Variants in ZNF526 observed in about 807,000 individuals in gnomAD.
ZNF526 encodes the protein zinc finger protein 526.
Under a neutral mutation model 32.4 loss-of-function variants are expected in ZNF526, and 16 were observed. The ratio of observed to expected loss-of-function variants is 0.49; its 90% confidence interval spans 0.33 to 0.75. The LOEUF is 0.75. Ranked by LOEUF, ZNF526 falls within the 30% of genes least tolerant of loss-of-function variation. ZNF526 has a pLI of 0.02. For missense variants in ZNF526, 838 were observed against 920.7 expected (o/e 0.91, Z 1.16); for synonymous variants, 355 against 363.4 (o/e 0.98, Z 0.26).
chr19:42,225,057 C>T lies in ZNF526; in HGVS notation c.654C>T (p.Thr218=). ...TPEEFLEHQG[T]HFDSLEKEER... is the part of the protein sequence containing the mutation. ...AGGAGTTCTTGGAGCATCAGGGCAC[C>T]CACTTTGACTCCCTAGAGAAAGAGG... The change falls in exon 3 of 3, where the codon ACC becomes ACT. Residue 218 remains threonine (T), a synonymous_variant. Coordinates refer to ENST00000301215, the MANE Select transcript of ZNF526 (RefSeq NM_133444.3). 2.5e-6 allele frequency: 4 copies of T among 1,614,138 alleles called. No homozygotes were observed. Among genetic ancestry groups the T allele is most frequent in the Non-Finnish European group, 3.4e-6 (4 of 1,180,026 alleles).
At chr19:42,223,733 C>T (rs896284810) in intron 1 of ZNF526, among the ~76,000 whole-genome samples, 1 of 145,850 alleles carries the variant, frequency 6.9e-6, no homozygotes, top group Non-Finnish European at 1.5e-5. Context: ...AGGAGAATCA[C>T]TTGAACCTAG....
In ZNF526 at chr19:42,224,291, C is replaced by A. The variant is rs1232244327; in HGVS notation, c.-32C>A. 1.1e-6 allele frequency: 1 copy of A among 900,698 alleles called. No individual in the cohort carries two copies. Among genetic ancestry groups the A allele is most frequent in the Non-Finnish European group, 1.8e-6 (1 of 556,680 alleles). The allele number at this position is 900,698 out of a possible 1,614,324, so 55.8% of individuals were successfully genotyped here. A position where few individuals can be genotyped will look rare whatever the true frequency, so the allele number is the denominator to read the frequency against. On this transcript the variant is annotated 5_prime_UTR_variant, in exon 2 of 3. Coordinates refer to ENST00000301215, the MANE Select transcript of ZNF526 (RefSeq NM_133444.3). ...AAGCAGAAACAGTGGATTAAGACTTCCTGAGCGATAGCTGGTGAGTAGTGG... is the reference window on the plus strand; with the variant it reads ...AAGCAGAAACAGTGGATTAAGACTTACTGAGCGATAGCTGGTGAGTAGTGG...
At position 42,226,830 on chromosome 19, in the gene ZNF526, G is replaced by C. The variant is rs995212124; in HGVS notation, c.*414G>C. 1 of 311,962 alleles carries C rather than the reference G, an allele frequency of 3.2e-6. No individual in the cohort carries two copies. Among genetic ancestry groups the C allele is most frequent in the Non-Finnish European group, 6.5e-6 (1 of 152,740 alleles). 19.3% of individuals were successfully genotyped at this position (311,962 alleles called of 1,614,324 possible). ...CCAGCCCTTGCCTTCCCTGGATTTTGGGCACCCAGGACTTTGCTCTGCCTG... is the reference window on the plus strand; with the variant it reads ...CCAGCCCTTGCCTTCCCTGGATTTTCGGCACCCAGGACTTTGCTCTGCCTG... On this transcript the variant is annotated 3_prime_UTR_variant, in exon 3 of 3. Coordinates refer to ENST00000301215, the MANE Select transcript of ZNF526 (RefSeq NM_133444.3).
Position 42,224,306 on chromosome 19 carries a change from G to A in ZNF526, c.-18+1G>A. On this transcript the variant is annotated splice_donor_variant, in intron 2 of 2. Coordinates refer to ENST00000301215, the MANE Select transcript of ZNF526 (RefSeq NM_133444.3). LOFTEE classifies it low-confidence loss of function (5UTR_SPLICE). ...ATTAAGACTTCCTGAGCGATAGCTG[G>A]TGAGTAGTGGGATGTGCAAGAGAAT... 9 of 996,572 alleles carry A rather than the reference G, an allele frequency of 9.0e-6. No individual in the cohort carries two copies. The highest frequency in any genetic ancestry group is 1.4e-5 in the Non-Finnish European group (9 of 632,046). The allele number at this position is 996,572 out of a possible 1,614,324, so 61.7% of individuals were successfully genotyped here. A position where few individuals can be genotyped will look rare whatever the true frequency, so the allele number is the denominator to read the frequency against.
At chr19:42,222,110 C>T (rs192958234) in intron 1 of ZNF526, among the ~76,000 whole-genome samples, 2 of 148,978 alleles carry the variant, frequency 1.3e-5, no homozygotes, top group African/African-American at 4.9e-5. Context: ...CTCCTTGAGA[C>T]AGAGTCTCAC....
rs1464797591 is a variant in ZNF526, at chr19:42,224,762, C to G, written c.359C>G (p.Pro120Arg). Reference protein sequence around the residue: ...CGECSQLILSPGELLAHQDAH... With the variant: ...CGECSQLILSRGELLAHQDAH... ...GAATGCAGCCAGCTCATCCTCTCCC[C>G]TGGGGAGCTCCTGGCCCACCAGGAT... Residue 120 changes from proline to arginine, a missense_variant, in exon 3 of 3, where the codon CCT becomes CGT. By Grantham distance (103) the Pro-to-Arg change is moderately radical. Transcript: ENST00000301215. 2 of 1,614,122 alleles carry G rather than the reference C, an allele frequency of 1.2e-6. No homozygotes were observed. Among genetic ancestry groups the G allele is most frequent in the Non-Finnish European group, 1.7e-6 (2 of 1,180,040 alleles).
Position 42,225,266 on chromosome 19 carries a change from G to T in ZNF526, c.863G>T (p.Arg288Leu). The T allele has an allele frequency of 6.2e-7, 1 of 1,613,464 alleles. No individual in the cohort carries two copies. Among genetic ancestry groups the T allele is most frequent in the Non-Finnish European group, 8.5e-7 (1 of 1,179,600 alleles). ...CPQHQPSAGA[R>L]RQHRRTAHSP... is the part of the protein sequence containing the mutation. The stretch of plus-strand genomic sequence containing the variant: ...CAGCACCAGCCCTCAGCAGGGGCTC[G>T]CCGGCAACACCGGCGGACGGCTCAC... The change falls in exon 3 of 3, where the codon CGC becomes CTC. Residue 288 changes from arginine (R) to leucine (L), a missense_variant. Transcript: ENST00000301215.
At chr19:42,223,416 C>T (rs540192272) in intron 1 of ZNF526, among the ~76,000 whole-genome samples, 1 of 152,244 alleles carries the variant, frequency 6.6e-6, no homozygotes, top group South Asian at 2.1e-4. Flanking sequence ...CCCAGGCGGG[C>T]AGATCACGAG....
At position 42,224,809 on chromosome 19, in the gene ZNF526, A is replaced by G. The variant is rs972102883; in HGVS notation, c.406A>G (p.Asn136Asp). 1.2e-6 allele frequency: 2 copies of G among 1,613,876 alleles called. No homozygotes were observed. The highest frequency in any genetic ancestry group is 1.7e-5 in the Admixed American group (1 of 60,014). Residue 136 changes from asparagine (N) to aspartate (D), a missense_variant, in exon 3 of 3, where the codon AAC (asparagine) becomes GAC (aspartate). Coordinates refer to ENST00000301215, the MANE Select transcript of ZNF526 (RefSeq NM_133444.3). ...HQDAHLRESANQIQYQCWDCQ... is the reference protein window; with the variant it reads ...HQDAHLRESADQIQYQCWDCQ... ...GGATGCCCACCTCCGAGAGTCTGCA[A>G]ACCAGATCCAATACCAGTGCTGGGA...
Position 42,225,734 on chromosome 19 carries a change from G to C in ZNF526, c.1331G>C (p.Cys444Ser). The C allele has an allele frequency of 6.3e-7, 1 of 1,585,080 alleles. No homozygotes were observed. Residue 444 changes from cysteine to serine, a missense_variant, in exon 3 of 3, where the codon TGC (cysteine) becomes TCC (serine). Coordinates refer to ENST00000301215, the MANE Select transcript of ZNF526 (RefSeq NM_133444.3). ...PPPAPPAQLPCPQCSKSFASA... is the reference protein window; with the variant it reads ...PPPAPPAQLPSPQCSKSFASA... ...CCTGCCCCACCTGCCCAGCTGCCCT[G>C]CCCACAGTGCTCCAAGTCCTTTGCC...
rs2036163156 is a variant in ZNF526 at position 42,225,225 on chromosome 19, C to A, written c.822C>A (p.Gly274=). Residue 274 remains glycine, a synonymous_variant, in exon 3 of 3, where the codon GGC becomes GGA. Coordinates refer to ENST00000301215, the MANE Select transcript of ZNF526 (RefSeq NM_133444.3). ...AGTCCACAGCTGGCTGGGCTCAGGG[C>A]TGCGGGGACTGTCCCCAGCACCAGC... ...GDESTAGWAQ[G]CGDCPQHQPS... 1.9e-6 allele frequency: 3 copies of A among 1,614,120 alleles called. No individual in the cohort carries two copies. The highest frequency in any genetic ancestry group is 2.5e-6 in the Non-Finnish European group (3 of 1,179,974).
At chr19:42,221,690 A>G (rs1271118420) in intron 1 of ZNF526, among the ~76,000 whole-genome samples, 3 of 151,800 alleles carry the variant, frequency 2.0e-5, no homozygotes, top group African/African-American at 2.4e-5. Flanking sequence ...GATGGCAGAT[A>G]CCTGTGGTCC....
Position 42,224,315 on chromosome 19 carries a change from G to A in ZNF526, c.-18+10G>A. 1 of 1,083,548 alleles carries A rather than the reference G, an allele frequency of 9.2e-7. No homozygotes were observed. The highest frequency in any genetic ancestry group is 1.4e-6 in the Non-Finnish European group (1 of 706,464). 67.1% of individuals were successfully genotyped at this position (1,083,548 alleles called of 1,614,324 possible). A position where few individuals can be genotyped will look rare whatever the true frequency, so the allele number is the denominator to read the frequency against. Reference sequence around the variant, plus strand: ...TCCTGAGCGATAGCTGGTGAGTAGTGGGATGTGCAAGAGAATTCCACCTCC... The same window carrying A: ...TCCTGAGCGATAGCTGGTGAGTAGTAGGATGTGCAAGAGAATTCCACCTCC... On this transcript the variant is annotated intron_variant, in intron 2 of 2. Coordinates refer to ENST00000301215, the MANE Select transcript of ZNF526 (RefSeq NM_133444.3).
In ZNF526 at chr19:42,227,665, A is replaced by T. The variant is rs1482245602; in HGVS notation, c.*1249A>T. ...GGCCAGCTACTCAGGAGGCTGAGGC[A>T]GGAGAATGGCGTGAACCCGGGAGGC... is the stretch of plus-strand genomic sequence containing the variant. On this transcript the variant is annotated 3_prime_UTR_variant, in exon 3 of 3. Coordinates refer to ENST00000301215, the MANE Select transcript of ZNF526 (RefSeq NM_133444.3). The T allele has an allele frequency of 6.6e-6, 1 of 152,206 alleles. No individual in the cohort carries two copies. 9.4% of individuals were successfully genotyped at this position (152,206 alleles called of 1,614,324 possible).
Position 42,226,345 on chromosome 19 carries a change from C to T in ZNF526, c.1942C>T (p.Gln648Ter). ...GCCACTGGCGCTTGAGGACACCCTG[C>T]AGCTGTGCCAGGCTGCACTGGGGGC... ...SQPLALEDTLQLCQAALGASE... is the reference protein window; with the variant it reads ...SQPLALEDTL Residue 648 changes from glutamine (Q) to a stop codon, truncating the protein, a stop_gained, in exon 3 of 3, where the codon CAG becomes TAG. Transcript: ENST00000301215. LOFTEE classifies it high-confidence loss of function. 6.2e-7 allele frequency: 1 copy of T among 1,614,224 alleles called. No individual in the cohort carries two copies. The highest frequency in any genetic ancestry group is 1.1e-5 in the South Asian group (1 of 91,090).
intron 1 of ZNF526, 33 bp from the exon 2 acceptor site, chr19:42,224,181 AG>A (rs1244409162): frequency 9.3e-6 from 5 of 539,796 alleles, no homozygotes; most frequent in Non-Finnish European, 1.7e-5. Flanking sequence ...AAAAAAAAAA[AG>A]AGGCTGGGCT....
intron 1 of ZNF526, among the ~76,000 whole-genome samples, chr19:42,223,979 A>ATATATATATATATG (rs935007271): frequency 3.3e-5 from 4 of 119,698 alleles, no homozygotes; most frequent in African/African-American, 1.4e-4. Flanking sequence ...ACTAAAATAT[A>ATATATATATATATG]TATATATATA....
chr19:42,221,038 A>G (rs1261193199), intron 1 of ZNF526, among the ~76,000 whole-genome samples: 1 of 152,180 alleles, frequency 6.6e-6, no homozygotes, highest in Non-Finnish European at 1.5e-5. Context: ...GGAATAGTAG[A>G]TAAGGAAAGT....
intron 1 of ZNF526, among the ~76,000 whole-genome samples, chr19:42,223,076 G>A (rs539445201): frequency 2.6e-5 from 4 of 152,350 alleles, no homozygotes; most frequent in Admixed American, 2.0e-4. Flanking sequence ...TCCAGGGCCT[G>A]TGTTTTTAAA....
Sources: gnomAD v4.1 joint callset for allele counts (sites outside exome capture counted in the v4.1 genomes callset) on GRCh38, gnomAD v4.1.1 for gene constraint, MANE v1.5 for transcripts, NCBI Gene and HGNC (gene_info 2026-07-23, HGNC 2026-07-21) for gene names.